ST3GAL1: variants seen among roughly 807,000 people sequenced by gnomAD.
The protein encoded by ST3GAL1 is ST3 beta-galactoside alpha-2,3-sialyltransferase 1, also known as CMP-N-acetylneuraminate-beta-galactosamide-alpha-2,3-sialyltransferase 1.
In ST3GAL1, 16 loss-of-function variants were observed where a neutral mutation model predicts 34.1. That is an observed-to-expected ratio of 0.47 (90% confidence interval 0.32 to 0.71). The LOEUF (loss-of-function observed/expected upper bound fraction) is 0.71. Ranked by LOEUF, ST3GAL1 falls within the 30% of genes least tolerant of loss-of-function variation. ST3GAL1 has a pLI of 0.04. For synonymous variants in ST3GAL1, 191 were observed against 184.7 expected (o/e 1.03, Z -0.28); for missense variants, 353 against 447.4 (o/e 0.79, Z 1.90).
chr8:133,547,192 T>G (rs990712470), intron 1 of ST3GAL1, among the ~76,000 whole-genome samples: 1 of 152,266 alleles, frequency 6.6e-6, no homozygotes, highest in Non-Finnish European at 1.5e-5. Flanking sequence ...CTTTAGCCAA[T>G]GGCACCATAG....
intron 3 of ST3GAL1, among the ~76,000 whole-genome samples, chr8:133,484,593 G>A (rs1053701844): frequency 6.6e-6 from 1 of 152,148 alleles, no homozygotes; most frequent in African/African-American, 2.4e-5. Flanking sequence ...TGAGTGTGTG[G>A]AACTTCCACA....
Position 133,526,125 on chromosome 8 carries a change from C to T in ST3GAL1, c.-429+19649G>A, listed in dbSNP as rs1586641774. On this transcript the variant is annotated intron_variant, in intron 2 of 9. Coordinates refer to ENST00000522652, the MANE Select transcript of ST3GAL1 (RefSeq NM_173344.3). ...CTGCTGCCATCACTGACAATTCTTTCAGCTCACAAAGGTAGCCATGAATTA... is the reference window on the plus strand; with the variant it reads ...CTGCTGCCATCACTGACAATTCTTTTAGCTCACAAAGGTAGCCATGAATTA... 2.0e-5 allele frequency among the ~76,000 whole-genome samples: 3 copies of T among 152,334 alleles called. No homozygotes were observed. In the East Asian group the frequency reaches 5.8e-4, roughly 29 times the overall value.
intron 2 of ST3GAL1, among the ~76,000 whole-genome samples, chr8:133,534,098 T>C (rs189275827): frequency 2.9e-4 from 44 of 152,328 alleles, no homozygotes; most frequent in African/African-American, 1.1e-3. Context: ...GTTAGATGAC[T>C]GACCATCTGT....
chr8:133,461,989 C>T lies in ST3GAL1; in HGVS notation c.735G>A (p.Leu245=), dbSNP rs749551022. 2.5e-6 allele frequency: 4 copies of T among 1,614,098 alleles called. No individual in the cohort carries two copies. Among genetic ancestry groups the T allele is most frequent in the Non-Finnish European group, 3.4e-6 (4 of 1,180,018 alleles). The change falls in exon 9 of 10, where the codon CTG becomes CTA. Residue 245 remains leucine (L), a synonymous_variant. Coordinates refer to ENST00000522652, the MANE Select transcript of ST3GAL1 (RefSeq NM_173344.3). This position sits in a 1 kb window ranked among gnomAD's most constrained non-coding sequence, Gnocchi z 4.7. The part of the protein sequence containing the change: ...AKIRVKQDKI[L]IYHPAFIKYV... ...ACTTGATGAAGGCTGGGTGGTAGAT[C>T]AGGATCTGCGGGGATGGGAAGACAC...
intron 2 of ST3GAL1, among the ~76,000 whole-genome samples, chr8:133,537,749 G>A (rs143431585): frequency 6.6e-6 from 1 of 152,310 alleles, no homozygotes; most frequent in East Asian, 1.9e-4. Context: ...CTGCATGAAT[G>A]AAGGTCACGA....
chr8:133,520,016 G>C (rs1036026801), intron 2 of ST3GAL1, among the ~76,000 whole-genome samples: 3 of 152,170 alleles, frequency 2.0e-5, no homozygotes, highest in African/African-American at 7.2e-5. Context: ...TTACTTACAA[G>C]CATCATATTT....
chr8:133,532,423 G>T (rs933811886), intron 2 of ST3GAL1, among the ~76,000 whole-genome samples: 1 of 151,994 alleles, frequency 6.6e-6, no homozygotes, highest in South Asian at 2.1e-4. Context: ...TTGCACCACT[G>T]CACTCCAGCC....
intron 1 of ST3GAL1, among the ~76,000 whole-genome samples, chr8:133,561,528 T>TA (rs1328471886): frequency 1.3e-5 from 2 of 152,152 alleles, no homozygotes; most frequent in East Asian, 3.9e-4. Context: ...ACATGAACTG[T>TA]AAATGGTGGT....
rs1472016776 is a variant in ST3GAL1 at position 133,548,475 on chromosome 8, C to T, written c.-581-2549G>A. ...CAAAGCATTACCGCCAACACGTTAA[C>T]TCCATAAGGGCAAGGGCATGTCTGC... is the stretch of plus-strand genomic sequence containing the variant. On this transcript the variant is annotated intron_variant, in intron 1 of 9. Coordinates refer to ENST00000522652, the MANE Select transcript of ST3GAL1 (RefSeq NM_173344.3). Among the ~76,000 whole-genome samples the T allele has an allele frequency of 2.0e-5, 3 of 152,352 alleles. No individual in the cohort carries two copies. The East Asian group carries it at 5.8e-4, about 29-fold the overall frequency.
intron 3 of ST3GAL1, among the ~76,000 whole-genome samples, chr8:133,495,834 C>T (rs1459831783): frequency 2.6e-5 from 4 of 152,222 alleles, no homozygotes; most frequent in Non-Finnish European, 5.9e-5. Flanking sequence ...AAAGCTCATG[C>T]TGCTTTTGAA....
chr8:133,487,826 G>A (rs1816661957), intron 3 of ST3GAL1, among the ~76,000 whole-genome samples: 1 of 152,162 alleles, frequency 6.6e-6, no homozygotes, highest in African/African-American at 2.4e-5. Flanking sequence ...AAATTAGCTG[G>A]GTGTGGTGGC....
At position 133,555,125 on chromosome 8, in the gene ST3GAL1, C is replaced by T. The variant is rs140909729; in HGVS notation, c.-581-9199G>A. The stretch of plus-strand genomic sequence containing the variant: ...TGTGCGGCCTGGGGAGGAAGCAGGC[C>T]ACCCCCGCGGGGGACTGCTCAGCCT... On this transcript the variant is annotated intron_variant, in intron 1 of 9. Coordinates refer to ENST00000522652, the MANE Select transcript of ST3GAL1 (RefSeq NM_173344.3). Among the ~76,000 whole-genome samples the T allele has an allele frequency of 3.2e-3, 483 of 152,206 alleles. 2 individuals carry two copies. The highest frequency in any genetic ancestry group is 0.011 in the African/African-American group (442 of 41,530).
intron 2 of ST3GAL1, among the ~76,000 whole-genome samples, chr8:133,529,924 C>T (rs1018918157): frequency 3.9e-5 from 6 of 152,156 alleles, no homozygotes; most frequent in African/African-American, 1.4e-4. Context: ...CACTCCCCAG[C>T]CCCCTGCCCG....
intron 8 of ST3GAL1, among the ~76,000 whole-genome samples, 186 bp downstream of exon 8, chr8:133,463,228 G>C (rs972480545): frequency 6.6e-6 from 1 of 152,250 alleles, no homozygotes; most frequent in Non-Finnish European, 1.5e-5. Flanking sequence ...TGGCCCGGGG[G>C]ACCCCACTTT....
intron 1 of ST3GAL1, among the ~76,000 whole-genome samples, chr8:133,566,288 T>C (rs1239892622): frequency 6.6e-6 from 1 of 152,210 alleles, no homozygotes; most frequent in Non-Finnish European, 1.5e-5. Context: ...AGGCGGATCA[T>C]TCACAAACCA....
intron 5 of ST3GAL1, among the ~76,000 whole-genome samples, chr8:133,472,462 G>A (rs1816005419): frequency 6.6e-6 from 1 of 152,140 alleles, no homozygotes; most frequent in African/African-American, 2.4e-5. Flanking sequence ...TGAGATTTGG[G>A]TGAAAGCCAA....
intron 2 of ST3GAL1, among the ~76,000 whole-genome samples, chr8:133,513,650 C>T (rs989377814): frequency 2.6e-5 from 4 of 152,110 alleles, no homozygotes; most frequent in African/African-American, 4.8e-5. Context: ...AATCCCAATA[C>T]TTTGGGAGGC....
chr8:133,536,886 C>A (rs1173768937), intron 2 of ST3GAL1, among the ~76,000 whole-genome samples: 1 of 152,120 alleles, frequency 6.6e-6, no homozygotes, highest in Non-Finnish European at 1.5e-5. Flanking sequence ...TGAAACCCTG[C>A]CTATCCTCTG....
intron 2 of ST3GAL1, among the ~76,000 whole-genome samples, chr8:133,531,878 C>T (rs1389564028): frequency 6.8e-6 from 1 of 146,882 alleles, no homozygotes. Flanking sequence ...CGTAAAACTA[C>T]GTTTCAGGGA....
Sources: gnomAD v4.1 joint callset for allele counts (sites outside exome capture counted in the v4.1 genomes callset) on GRCh38, gnomAD v4.1.1 for gene constraint, Gnocchi (gnomAD v3.1) non-coding constraint, MANE v1.5 for transcripts, NCBI Gene and HGNC (gene_info 2026-07-23, HGNC 2026-07-21) for gene names.